The following GALNT18 variants were observed in gnomAD, a reference collection of about 807,000 sequenced individuals.
GALNT18 encodes the protein GalNAc-transferase 18.
In GALNT18, 44 loss-of-function variants were observed where a neutral mutation model predicts 69.5. That is an observed-to-expected ratio of 0.63 (90% confidence interval 0.50 to 0.81). The LOEUF is 0.81. Among genes scored for constraint, GALNT18 ranks in the 40% least tolerant of loss-of-function variants. The probability of loss-of-function intolerance (pLI) is 0.00; values close to 1 mark genes in which losing one functional copy is unlikely to be tolerated. For synonymous variants in GALNT18, 364 were observed against 318.2 expected, an observed-to-expected ratio of 1.14 and a Z score of -1.53; for missense variants, 715 against 810.0, an observed-to-expected ratio of 0.88 and a Z score of 1.42.
chr11:11,432,676 G>A lies in GALNT18; in HGVS notation c.540C>T (p.Arg180=). 1 of 1,613,006 alleles carries A rather than the reference G, an allele frequency of 6.2e-7. No homozygotes were observed. The change falls in exon 3 of 11, where the codon CGC becomes CGT. Residue 180 remains arginine, a synonymous_variant. Transcript: ENST00000227756. This position sits in a 1 kb window ranked among gnomAD's most constrained non-coding sequence, Gnocchi z 5.8. ...LLRSIHSAME[R]TPPHLLKEII... is the part of the protein sequence containing the mutation. The stretch of plus-strand genomic sequence containing the variant: ...TCTCCTTGAGCAGATGTGGGGGCGT[G>A]CGTTCCATGGCCGAGTGGATGGAGC...
rs571958508 is a variant in GALNT18 at position 11,454,127 on chromosome 11, C to T, written c.236-5191G>A. The stretch of plus-strand genomic sequence containing the variant: ...CCTACTAGAGATTCCCCAAATCTTT[C>T]AGAGGGAGTAGAAAGGGGGCTGCAG... On this transcript the variant is annotated intron_variant, in intron 1 of 10. Coordinates refer to ENST00000227756, the MANE Select transcript of GALNT18 (RefSeq NM_198516.3). This position sits in a 1 kb window ranked among gnomAD's most constrained non-coding sequence, Gnocchi z 4.2. 6.6e-6 allele frequency among the ~76,000 whole-genome samples: 1 copy of T among 152,282 alleles called. No individual in the cohort carries two copies. The highest frequency in any genetic ancestry group is 6.5e-5 in the Admixed American group (1 of 15,292).
chr11:11,604,573 C>T lies in GALNT18; in HGVS notation c.235+16786G>A, dbSNP rs556022064. ...CCCGCCTGGCACCAAGTCTGCATGGCGGAGAGAAGGGTGATGTGGATCAGA... is the reference window on the plus strand; with the variant it reads ...CCCGCCTGGCACCAAGTCTGCATGGTGGAGAGAAGGGTGATGTGGATCAGA... On this transcript the variant is annotated intron_variant, in intron 1 of 10. Transcript: ENST00000227756. The surrounding 1 kb of genome is among the most constrained non-coding windows in gnomAD (Gnocchi z 5.6). 2.0e-5 allele frequency among the ~76,000 whole-genome samples: 3 copies of T among 152,184 alleles called. No homozygotes were observed. The highest frequency in any genetic ancestry group is 2.4e-5 in the African/African-American group (1 of 41,436).
intron 6 of GALNT18, among the ~76,000 whole-genome samples, chr11:11,349,567 T>G (rs1850362012): frequency 6.6e-6 from 1 of 152,216 alleles, no homozygotes; most frequent in Non-Finnish European, 1.5e-5. Context: ...TTTTTTGTTG[T>G]TTATGTGCCC....
chr11:11,381,084 C>T (rs1029151089), intron 3 of GALNT18, among the ~76,000 whole-genome samples: 3 of 152,168 alleles, frequency 2.0e-5, no homozygotes, highest in African/African-American at 7.2e-5. Flanking sequence ...GCTGCAGCTG[C>T]CTGGGGAGGT....
In GALNT18 at chr11:11,362,107, C is replaced by G. The variant is rs112760981; in HGVS notation, c.1092+10408G>C. Among the ~76,000 whole-genome samples the G allele has an allele frequency of 4.2e-3, 645 of 152,236 alleles. 5 individuals are homozygous for G. Among genetic ancestry groups the G allele is most frequent in the African/African-American group, 0.015 (621 of 41,564 alleles). On this transcript the variant is annotated intron_variant, in intron 6 of 10. Transcript: ENST00000227756. ...ATATTATTTTGAATAGAAGGTGTTA[C>G]GATAACTGGTTGACCATATAGAAAA... is the stretch of plus-strand genomic sequence containing the variant.
intron 1 of GALNT18, chr11:11,569,983 G>C (rs1858748315): frequency 6.6e-6 from 1 of 152,212 alleles, no homozygotes; most frequent in Admixed American, 6.5e-5. Flanking sequence ...GGAAGTGAGG[G>C]AGTGTGGCTT....
chr11:11,290,960 G>A (rs1849286178), intron 10 of GALNT18, among the ~76,000 whole-genome samples: 1 of 152,150 alleles, frequency 6.6e-6, no homozygotes, highest in African/African-American at 2.4e-5. Context: ...CAACCTACAA[G>A]CCTACTTTGC....
At chr11:11,499,689 G>A (rs1170578624) in intron 1 of GALNT18, among the ~76,000 whole-genome samples, 4 of 152,220 alleles carry the variant, frequency 2.6e-5, no homozygotes, top group African/African-American at 7.2e-5. Context: ...ACAACCCACA[G>A]CATGGCCTGG....
chr11:11,297,484 G>C (rs1413689173), intron 9 of GALNT18, among the ~76,000 whole-genome samples: 1 of 152,108 alleles, frequency 6.6e-6, no homozygotes, highest in African/African-American at 2.4e-5. Context: ...CCATATGTGC[G>C]ACCACTCACC....
intron 1 of GALNT18, among the ~76,000 whole-genome samples, chr11:11,467,429 C>T (rs1385249688): frequency 6.6e-6 from 1 of 152,218 alleles, no homozygotes; most frequent in African/African-American, 2.4e-5. Context: ...GCTTTTCTCC[C>T]AGCTTCCAGC....
intron 10 of GALNT18, among the ~76,000 whole-genome samples, chr11:11,274,643 T>C (rs1363810235): frequency 1.3e-5 from 2 of 152,228 alleles, no homozygotes; most frequent in Non-Finnish European, 2.9e-5. Flanking sequence ...GGTGGTTTGC[T>C]GCACCCATCA....
intron 1 of GALNT18, among the ~76,000 whole-genome samples, chr11:11,534,015 A>G (rs1020461890): frequency 2.6e-5 from 4 of 152,332 alleles, no homozygotes; most frequent in East Asian, 1.9e-4. Flanking sequence ...ACTATGCATC[A>G]TCTCACGCAG....
intron 6 of GALNT18, among the ~76,000 whole-genome samples, chr11:11,345,788 C>A (rs1282268666): frequency 6.6e-6 from 1 of 152,120 alleles, no homozygotes; most frequent in East Asian, 1.9e-4. Flanking sequence ...GAGAAATGAA[C>A]ACCAAGGGTT....
chr11:11,316,578 A>G (rs1362096058), intron 9 of GALNT18, among the ~76,000 whole-genome samples: 3 of 152,224 alleles, frequency 2.0e-5, no homozygotes, highest in East Asian at 1.9e-4. Flanking sequence ...TGGAGCATAA[A>G]TGTGGCAGCT....
In GALNT18 at chr11:11,505,398, T is replaced by G. The variant is rs1372610331; in HGVS notation, c.236-56462A>C. 1.3e-5 allele frequency among the ~76,000 whole-genome samples: 2 copies of G among 152,174 alleles called. No homozygotes were observed. The highest frequency in any genetic ancestry group is 2.9e-5 in the Non-Finnish European group (2 of 68,040). On this transcript the variant is annotated intron_variant, in intron 1 of 10. Coordinates refer to ENST00000227756, the MANE Select transcript of GALNT18 (RefSeq NM_198516.3). The surrounding 1 kb of genome is among the most constrained non-coding windows in gnomAD (Gnocchi z 4.6). ...TATGAAGGATGGCAGGCAGATGGCA[T>G]GCATACCAGCACTGACTCCTATGCC...
At chr11:11,486,724 T>C (rs1343427398) in intron 1 of GALNT18, among the ~76,000 whole-genome samples, 2 of 152,230 alleles carry the variant, frequency 1.3e-5, no homozygotes, top group South Asian at 2.1e-4. Context: ...AGCTGAGCTG[T>C]GCTCTGCTAC....
rs2133676445 is a variant in GALNT18, at chr11:11,372,520, T to A, written c.1087A>T (p.Ile363Phe). 6.2e-7 allele frequency: 1 copy of A among 1,613,956 alleles called. No homozygotes were observed. Among genetic ancestry groups the A allele is most frequent in the South Asian group, 1.1e-5 (1 of 91,076 alleles). The change falls in exon 6 of 11, where the codon ATC becomes TTC. Residue 363 changes from isoleucine to phenylalanine, a missense_variant. Ile to Phe is a conservative substitution (Grantham distance 21, BLOSUM62 0). Coordinates refer to ENST00000227756, the MANE Select transcript of GALNT18 (RefSeq NM_198516.3). This position sits in a 1 kb window ranked among gnomAD's most constrained non-coding sequence, Gnocchi z 4.9. Reference protein sequence around the residue: ...VYGGENVELGIRVWQCGGSVE... With the variant: ...VYGGENVELGFRVWQCGGSVE... Reference sequence around the variant, plus strand: ...GAGTGAGAAACCCCACTCACCCTGATCCCAAGCTCCACATTCTCGCCCCCG... The same window carrying A: ...GAGTGAGAAACCCCACTCACCCTGAACCCAAGCTCCACATTCTCGCCCCCG...
At chr11:11,479,741 G>A (rs1419253319) in intron 1 of GALNT18, among the ~76,000 whole-genome samples, 7 of 152,192 alleles carry the variant, frequency 4.6e-5, no homozygotes, top group Admixed American at 6.5e-5. Context: ...TCACGTCATT[G>A]ATTCATCTGT....
At chr11:11,283,227 T>C (rs1250528839) in intron 10 of GALNT18, among the ~76,000 whole-genome samples, 2 of 152,096 alleles carry the variant, frequency 1.3e-5, no homozygotes, top group African/African-American at 4.8e-5. Flanking sequence ...GGATCTCGGC[T>C]CAATGCAATC....
Sources: allele counts gnomAD v4.1 joint callset (sites outside exome capture counted in the v4.1 genomes callset), GRCh38; gene constraint gnomAD v4.1.1; non-coding constraint Gnocchi (gnomAD v3.1); transcripts MANE v1.5; gene names NCBI Gene and HGNC (gene_info 2026-07-23, HGNC 2026-07-21).